Variants in THSD7A observed in about 807,000 individuals in gnomAD.
THSD7A encodes the protein thrombospondin type-1 domain-containing protein 7A.
THSD7A carries 96 observed loss-of-function variants against 231.3 expected under a neutral mutation model. The observed-to-expected ratio is 0.41, with a 90% confidence interval of 0.35 to 0.49. THSD7A has a LOEUF of 0.49. Among genes scored for constraint, THSD7A ranks in the 20% least tolerant of loss-of-function variants. The pLI is 0.05. For synonymous variants in THSD7A, 940 were observed against 743.3 expected, an observed-to-expected ratio of 1.26 and a Z score of -4.30; for missense variants, 2,290 against 2,070.2, an observed-to-expected ratio of 1.11 and a Z score of -2.06.
chr7:11,443,371 T>C (rs1300695744), intron 13 of THSD7A, among the ~76,000 whole-genome samples: 1 of 152,084 alleles, frequency 6.6e-6, no homozygotes, highest in African/African-American at 2.4e-5. Context: ...ATATTTTTCT[T>C]GGTATCTAAT....
intron 6 of THSD7A, among the ~76,000 whole-genome samples, chr7:11,518,052 G>T (rs1011483619): frequency 1.3e-5 from 2 of 152,158 alleles, no homozygotes; most frequent in Non-Finnish European, 2.9e-5. Context: ...ACTGCTTGCT[G>T]GATGGTTGAC....
At chr7:11,740,207 A>G (rs905853486) in intron 1 of THSD7A, among the ~76,000 whole-genome samples, 1 of 151,936 alleles carries the variant, frequency 6.6e-6, no homozygotes, top group African/African-American at 2.4e-5. Flanking sequence ...AGGCAAGAGG[A>G]AGGCAATGCT....
At chr7:11,738,693 G>T (rs113997493) in intron 1 of THSD7A, among the ~76,000 whole-genome samples, 1,655 of 152,112 alleles carry the variant, frequency 0.011, 39 homozygotes, top group African/African-American at 0.038. Context: ...AGGGGCAGAA[G>T]AGGTCAGACA....
chr7:11,514,207 C>T (rs1787934119), intron 6 of THSD7A, among the ~76,000 whole-genome samples: 1 of 151,726 alleles, frequency 6.6e-6, no homozygotes. Flanking sequence ...TGTTATTTTT[C>T]TTCATAACAC....
At chr7:11,746,539 T>G (rs1219992503) in intron 1 of THSD7A, among the ~76,000 whole-genome samples, 2 of 151,894 alleles carry the variant, frequency 1.3e-5, no homozygotes, top group Admixed American at 1.3e-4. Flanking sequence ...TGGTCACATA[T>G]TTCATAGAGT....
chr7:11,647,690 T>C (rs938830286), intron 1 of THSD7A, among the ~76,000 whole-genome samples: 4 of 152,134 alleles, frequency 2.6e-5, no homozygotes, highest in African/African-American at 9.7e-5. Context: ...GAGAAGGCAC[T>C]GTAGCCATAG....
chr7:11,609,520 T>G (rs1457719295), intron 2 of THSD7A, among the ~76,000 whole-genome samples: 2 of 152,150 alleles, frequency 1.3e-5, no homozygotes, highest in Non-Finnish European at 2.9e-5. Context: ...ACTGGTTTAT[T>G]TCAGATAGAA....
intron 9 of THSD7A, among the ~76,000 whole-genome samples, chr7:11,469,554 T>C (rs1434168641): frequency 6.6e-6 from 1 of 152,180 alleles, no homozygotes; most frequent in East Asian, 1.9e-4. Context: ...AAAAGCACTG[T>C]ATATCATTTT....
chr7:11,652,642 A>T (rs773801049), intron 1 of THSD7A, among the ~76,000 whole-genome samples: 2 of 151,994 alleles, frequency 1.3e-5, no homozygotes, highest in African/African-American at 2.4e-5. Flanking sequence ...TATGATAACA[A>T]ATATACCATA....
rs112926085 is a variant in THSD7A at position 11,717,047 on chromosome 7, T to A, written c.191-80086A>T. 8.4e-3 allele frequency among the ~76,000 whole-genome samples: 1,268 copies of A among 151,322 alleles called. 14 individuals are homozygous for A. Among genetic ancestry groups the A allele is most frequent in the African/African-American group, 0.029 (1,202 of 41,338 alleles). ...AGCTCACTTCCCCAAGAGTTCCATT[T>A]GCTAATTCTTTTTCGTAGTAATGTG... On this transcript the variant is annotated intron_variant, in intron 1 of 27. Coordinates refer to ENST00000423059, the MANE Select transcript of THSD7A (RefSeq NM_015204.3).
chr7:11,742,767 G>A (rs985618960), intron 1 of THSD7A, among the ~76,000 whole-genome samples: 10 of 151,882 alleles, frequency 6.6e-5, no homozygotes, highest in Non-Finnish European at 7.4e-5. Flanking sequence ...ATGGGAGGAG[G>A]TCAGATCAGA....
chr7:11,575,085 G>C (rs564035332), intron 4 of THSD7A, among the ~76,000 whole-genome samples: 1 of 152,126 alleles, frequency 6.6e-6, no homozygotes, highest in African/African-American at 2.4e-5. Flanking sequence ...TATAGTGAGG[G>C]TCTCATAAGT....
At chr7:11,386,199 T>C (rs759341088) in intron 23 of THSD7A, among the ~76,000 whole-genome samples, 8 of 152,172 alleles carry the variant, frequency 5.3e-5, no homozygotes, top group Non-Finnish European at 1.0e-4. Context: ...GTCTTTATAA[T>C]AGAATGGTTC....
chr7:11,427,452 T>G (rs1221415280), intron 14 of THSD7A, among the ~76,000 whole-genome samples: 1 of 152,094 alleles, frequency 6.6e-6, no homozygotes, highest in African/African-American at 2.4e-5. Context: ...ATATTAGAGT[T>G]GGAAAGTGAC....
intron 1 of THSD7A, among the ~76,000 whole-genome samples, chr7:11,710,996 A>G (rs1780941692): frequency 6.6e-6 from 1 of 150,946 alleles, no homozygotes; most frequent in Non-Finnish European, 1.5e-5. Flanking sequence ...TCTATTAAAT[A>G]ATGTGTCTAT....
chr7:11,408,550 G>A (rs1783668190), intron 19 of THSD7A, among the ~76,000 whole-genome samples: 1 of 151,440 alleles, frequency 6.6e-6, no homozygotes, highest in Non-Finnish European at 1.5e-5. Flanking sequence ...GAAAATGTAA[G>A]AGCTTGTTAG....
intron 2 of THSD7A, among the ~76,000 whole-genome samples, chr7:11,630,768 T>C (rs1781621914): frequency 6.6e-6 from 1 of 152,256 alleles, no homozygotes. Context: ...AAGTAGGCAC[T>C]ACATCCATTA....
At chr7:11,646,659 G>T (rs1387134015) in intron 1 of THSD7A, among the ~76,000 whole-genome samples, 1 of 152,026 alleles carries the variant, frequency 6.6e-6, no homozygotes, top group Non-Finnish European at 1.5e-5. Context: ...ATATTCAACA[G>T]TCCGACTTGA....
chr7:11,772,151 A>C, intron 1 of THSD7A, among the ~76,000 whole-genome samples: 1 of 152,236 alleles, frequency 6.6e-6, no homozygotes, highest in African/African-American at 2.4e-5. Flanking sequence ...GCAAATTCAA[A>C]CCACAATGAG....
Sources: gnomAD v4.1 joint callset for allele counts (sites outside exome capture counted in the v4.1 genomes callset) on GRCh38, gnomAD v4.1.1 for gene constraint, MANE v1.5 for transcripts, NCBI Gene and HGNC (gene_info 2026-07-23, HGNC 2026-07-21) for gene names.